Variants in RXFP1 observed in about 807,000 individuals in gnomAD.
The protein encoded by RXFP1 is relaxin family peptide receptor 1.
A neutral mutation model predicts 89.8 loss-of-function variants in RXFP1; 73 were observed. The ratio of observed to expected loss-of-function variants is 0.81; its 90% CI spans 0.67 to 0.99. The LOEUF is 0.99. RXFP1 is among the 50% of genes least tolerant of loss of function. The pLI, the probability that RXFP1 is intolerant of heterozygous loss-of-function variation, is 0.00. For missense variants in RXFP1, 793 were observed against 895.5 expected, an observed-to-expected ratio of 0.89 and a Z score of 1.46; for synonymous variants, 277 against 305.5, an observed-to-expected ratio of 0.91 and a Z score of 0.97.
Position 158,652,136 on chromosome 4 carries a change from C to G in RXFP1, c.*81C>G. The G allele has an allele frequency of 8.9e-7, 1 of 1,119,294 alleles. No individual in the cohort carries two copies. The highest frequency in any genetic ancestry group is 1.2e-6 in the Non-Finnish European group (1 of 801,162). 69.3% of individuals were successfully genotyped at this position (1,119,294 alleles called of 1,614,324 possible). A position where few individuals can be genotyped will look rare whatever the true frequency, so the allele number is the denominator to read the frequency against. On this transcript the variant is annotated 3_prime_UTR_variant, in exon 18 of 18. Coordinates refer to ENST00000307765, the MANE Select transcript of RXFP1 (RefSeq NM_021634.4). ...ATTTACTGGTATGAAATGAATACCACAAAATTAATTTATAATAATAGCTAA... is the reference window on the plus strand; with the variant it reads ...ATTTACTGGTATGAAATGAATACCAGAAAATTAATTTATAATAATAGCTAA...
chr4:158,580,981 G>T (rs1006762252), intron 2 of RXFP1, among the ~76,000 whole-genome samples: 1 of 151,932 alleles, frequency 6.6e-6, no homozygotes, highest in Non-Finnish European at 1.5e-5. Flanking sequence ...ATAGAGACAG[G>T]GTTTCACCAT....
chr4:158,549,368 GT>G (rs1467837063), intron 1 of RXFP1, among the ~76,000 whole-genome samples: 18 of 152,002 alleles, frequency 1.2e-4, no homozygotes, highest in African/African-American at 4.1e-4. Flanking sequence ...TTTTTTCAAA[GT>G]TTTTAACTTC....
chr4:158,613,562 A>C (rs535512694), intron 8 of RXFP1, among the ~76,000 whole-genome samples: 1 of 152,184 alleles, frequency 6.6e-6, no homozygotes, highest in East Asian at 1.9e-4. Context: ...ATAAGAAGCA[A>C]CTCCTCATCT....
At chr4:158,611,828 G>T (rs1763637478) in intron 6 of RXFP1, among the ~76,000 whole-genome samples, 1 of 152,166 alleles carries the variant, frequency 6.6e-6, no homozygotes, top group African/African-American at 2.4e-5. Flanking sequence ...GGCCTCTCCA[G>T]ACTCAAAGCC....
intron 1 of RXFP1, among the ~76,000 whole-genome samples, chr4:158,565,575 C>G (rs1753386361): frequency 6.6e-6 from 1 of 152,052 alleles, no homozygotes; most frequent in East Asian, 1.9e-4. Flanking sequence ...TGCCAGAAAG[C>G]AAGGAAGAGT....
At chr4:158,593,543 G>T in intron 3 of RXFP1, 44 bp downstream of exon 3, 1 of 1,047,840 alleles carries the variant, frequency 9.5e-7, no homozygotes, top group South Asian at 1.6e-5. Flanking sequence ...GAGTTCATAA[G>T]ACACCATTTT....
chr4:158,630,569 G>T (rs1025873718), intron 11 of RXFP1, among the ~76,000 whole-genome samples: 3 of 152,166 alleles, frequency 2.0e-5, no homozygotes, highest in African/African-American at 7.2e-5. Context: ...ATAACCAACA[G>T]TGAACATGAA....
chr4:158,593,403 GACA>G lies in RXFP1; in HGVS notation c.195_197del (p.Asn66del), dbSNP rs1759923408. Reference sequence around the variant, plus strand: ...TTGTTCTCTGATTTTTATTTTAGGAGACAACAATGGATGGTCTCTGCAATTTGA... The same window carrying G: ...TTGTTCTCTGATTTTTATTTTAGGAGACAATGGATGGTCTCTGCAATTTGA... On this transcript the variant is annotated inframe_deletion, in exon 3 of 18. Coordinates refer to ENST00000307765, the MANE Select transcript of RXFP1 (RefSeq NM_021634.4). The G allele has an allele frequency of 6.2e-7, 1 of 1,600,850 alleles. No individual in the cohort carries two copies. Among genetic ancestry groups the G allele is most frequent in the African/African-American group, 1.3e-5 (1 of 74,556 alleles).
At chr4:158,619,810 C>A (rs1410949861) in intron 9 of RXFP1, among the ~76,000 whole-genome samples, 1 of 151,882 alleles carries the variant, frequency 6.6e-6, no homozygotes, top group African/African-American at 2.4e-5. Flanking sequence ...GCATTCTGCC[C>A]CAGGGTACCA....
intron 2 of RXFP1, among the ~76,000 whole-genome samples, chr4:158,577,699 T>C (rs1358684043): frequency 2.6e-5 from 4 of 152,038 alleles, no homozygotes; most frequent in Non-Finnish European, 1.5e-5. Flanking sequence ...CAAATGGAAA[T>C]TGTAGAAATA....
chr4:158,610,681 A>G (rs1165779797), intron 6 of RXFP1: 2 of 1,289,668 alleles, frequency 1.6e-6, no homozygotes, highest in South Asian at 1.2e-5. Flanking sequence ...GACTGGGCAA[A>G]ACAGGTGAGC....
At chr4:158,568,379 G>C (rs1253881042) in intron 1 of RXFP1, among the ~76,000 whole-genome samples, 1 of 152,224 alleles carries the variant, frequency 6.6e-6, no homozygotes, top group Non-Finnish European at 1.5e-5. Flanking sequence ...ATGTGGAGAA[G>C]AATATTCAAA....
At chr4:158,573,848 A>ACT (rs1755664448) in intron 2 of RXFP1, among the ~76,000 whole-genome samples, 1 of 152,222 alleles carries the variant, frequency 6.6e-6, no homozygotes, top group South Asian at 2.1e-4. Flanking sequence ...CAGAATTAGA[A>ACT]GAGTACTGGA....
intron 14 of RXFP1, among the ~76,000 whole-genome samples, chr4:158,640,731 A>C (rs1294521460): frequency 6.6e-6 from 1 of 152,198 alleles, no homozygotes; most frequent in Non-Finnish European, 1.5e-5. Flanking sequence ...ACTATATCAC[A>C]TGGTACAAGT....
At chr4:158,523,239 C>A (rs1446070100) in intron 1 of RXFP1, among the ~76,000 whole-genome samples, 2 of 152,108 alleles carry the variant, frequency 1.3e-5, no homozygotes, top group Non-Finnish European at 1.5e-5. Flanking sequence ...ACATTTGTGG[C>A]CAACAGCTTC....
chr4:158,628,034 T>A (rs920060794), intron 10 of RXFP1, among the ~76,000 whole-genome samples: 8 of 152,172 alleles, frequency 5.3e-5, no homozygotes. Context: ...AAGGACAATT[T>A]GAAGACATGT....
chr4:158,645,265 T>A (rs1771290988), intron 15 of RXFP1, 127 bp downstream of exon 15: 10 of 663,112 alleles, frequency 1.5e-5, no homozygotes, highest in South Asian at 1.0e-4. Flanking sequence ...GCTTGTATGC[T>A]GTTTTCACAT....
intron 1 of RXFP1, among the ~76,000 whole-genome samples, chr4:158,545,719 T>C (rs1748154807): frequency 6.6e-6 from 1 of 152,220 alleles, no homozygotes; most frequent in African/African-American, 2.4e-5. Flanking sequence ...CCTTTCCCCA[T>C]TGCTTGTTTT....
At chr4:158,571,999 G>C (rs1414683383) in intron 1 of RXFP1, among the ~76,000 whole-genome samples, 2 of 152,138 alleles carry the variant, frequency 1.3e-5, no homozygotes, top group Admixed American at 1.3e-4. Flanking sequence ...GGGTGGGAGG[G>C]CCAGTCTTTT....
Sources: allele counts gnomAD v4.1 joint callset (sites outside exome capture counted in the v4.1 genomes callset), GRCh38; gene constraint gnomAD v4.1.1; transcripts MANE v1.5; gene names NCBI Gene and HGNC (gene_info 2026-07-23, HGNC 2026-07-21).